The following FAM13B variants were observed in gnomAD, a reference collection of about 807,000 sequenced individuals.
FAM13B encodes the protein family with sequence similarity 13 member B, also known as protein FAM13B.
Under a neutral mutation model 117.3 loss-of-function variants are expected in FAM13B, and 60 were observed. That is an observed-to-expected ratio of 0.51 (90% CI 0.42 to 0.63). FAM13B has a LOEUF of 0.63. Among genes scored for constraint, FAM13B ranks in the 30% least tolerant of loss-of-function variants. The pLI is 0.00. For synonymous variants in FAM13B, 332 were observed against 356.1 expected (o/e 0.93, Z 0.76); for missense variants, 972 against 1,091.9 (o/e 0.89, Z 1.55).
intron 23 of FAM13B, 78 bp downstream of exon 23, chr5:137,941,866 G>A (rs114279768): frequency 0.013 from 14,920 of 1,188,726 alleles, 188 homozygotes; most frequent in Non-Finnish European, 0.014. Flanking sequence ...CTAATCCCAC[G>A]TATTCCATTA....
intron 23 of FAM13B, among the ~76,000 whole-genome samples, chr5:137,941,060 C>A (rs2150098189): frequency 6.6e-6 from 1 of 152,208 alleles, no homozygotes; most frequent in East Asian, 1.9e-4. Flanking sequence ...TGCCCGCCAC[C>A]ACGCCTGCCT....
chr5:138,001,680 T>C (rs1487100286), intron 7 of FAM13B, among the ~76,000 whole-genome samples: 2 of 152,162 alleles, frequency 1.3e-5, no homozygotes, highest in Non-Finnish European at 2.9e-5. Flanking sequence ...TGTTAGATGG[T>C]TATAACAGTT....
intron 7 of FAM13B, among the ~76,000 whole-genome samples, chr5:137,999,895 C>T (rs1780785086): frequency 6.6e-6 from 1 of 152,070 alleles, no homozygotes; most frequent in African/African-American, 2.4e-5. Context: ...CCCCCATGGC[C>T]TAATAACCTC....
chr5:137,948,475 C>T (rs1175803924), intron 18 of FAM13B, among the ~76,000 whole-genome samples: 1 of 152,102 alleles, frequency 6.6e-6, no homozygotes. Context: ...TCACTGCAGT[C>T]CTAATCTCCC....
intron 13 of FAM13B, among the ~76,000 whole-genome samples, chr5:137,958,518 G>C (rs545377486): frequency 1.3e-5 from 2 of 151,904 alleles, no homozygotes; most frequent in African/African-American, 4.8e-5. Context: ...GTGCCAAAAG[G>C]AGTCCGTGGC....
chr5:138,045,968 G>A (rs550008479), intron 1 of FAM13B, among the ~76,000 whole-genome samples: 20 of 150,572 alleles, frequency 1.3e-4, no homozygotes, highest in Non-Finnish European at 3.0e-4. Context: ...AAATTATAAA[G>A]AGTATGATGT....
At chr5:138,006,290 G>GA (rs1437465736) in intron 7 of FAM13B, among the ~76,000 whole-genome samples, 1 of 152,188 alleles carries the variant, frequency 6.6e-6, no homozygotes, top group Non-Finnish European at 1.5e-5. Flanking sequence ...CTCCTAAGTA[G>GA]AAAGGGTTAG....
At chr5:137,953,955 C>CA (rs1400155274) in intron 15 of FAM13B, among the ~76,000 whole-genome samples, 1 of 148,930 alleles carries the variant, frequency 6.7e-6, no homozygotes, top group South Asian at 2.1e-4. Context: ...TCAGCAGGGT[C>CA]AAAAAAAACC....
At chr5:138,024,010 G>A (rs1265264122) in intron 1 of FAM13B, among the ~76,000 whole-genome samples, 3 of 152,138 alleles carry the variant, frequency 2.0e-5, no homozygotes, top group East Asian at 1.9e-4. Flanking sequence ...TCAGACTGGA[G>A]AGTGGCCCAA....
At chr5:138,017,833 A>G (rs1353179635) in intron 4 of FAM13B, among the ~76,000 whole-genome samples, 3 of 152,204 alleles carry the variant, frequency 2.0e-5, no homozygotes, top group Non-Finnish European at 2.9e-5. Flanking sequence ...TAAGTGTTCA[A>G]GAACAAGTTT....
upstream of FAM13B, among the ~76,000 whole-genome samples, chr5:138,033,270 C>A (rs1305548882): frequency 2.6e-5 from 4 of 152,238 alleles, no homozygotes. Context: ...AGCCAGGCGC[C>A]ATCCCGGGGC....
intron 4 of FAM13B, 28 bp downstream of exon 4, chr5:138,018,274 C>A: frequency 1.9e-6 from 3 of 1,540,436 alleles, no homozygotes; most frequent in Non-Finnish European, 2.7e-6. Flanking sequence ...CAACAAATGA[C>A]CAATTGATAA....
chr5:138,004,376 T>A (rs947881483), intron 7 of FAM13B, among the ~76,000 whole-genome samples: 1 of 152,060 alleles, frequency 6.6e-6, no homozygotes, highest in Non-Finnish European at 1.5e-5. Context: ...CTATTAGTAA[T>A]ATGTATTTGA....
At chr5:137,989,890 TG>T (rs965658904) in intron 7 of FAM13B, among the ~76,000 whole-genome samples, 11 of 146,950 alleles carry the variant, frequency 7.5e-5, no homozygotes, top group Admixed American at 1.4e-4. Flanking sequence ...CCAAAAAAGC[TG>T]GGGGGAAAAA....
At chr5:137,972,121 C>G (rs2150404720) in intron 10 of FAM13B, among the ~76,000 whole-genome samples, 1 of 150,936 alleles carries the variant, frequency 6.6e-6, no homozygotes, top group East Asian at 1.9e-4. Context: ...ATGAGGCCAG[C>G]ATCATCCTGA....
rs2150986885 is a variant in FAM13B at position 138,021,170 on chromosome 5, G to C, written c.-175C>G. The stretch of plus-strand genomic sequence containing the variant: ...TGTAGTTCCTCATTGAAGAAATGCA[G>C]AACTCGATCAGTACTTCAGCAGTTA... On this transcript the variant is annotated 5_prime_UTR_variant, in exon 2 of 24. Coordinates refer to ENST00000689681, the MANE Select transcript of FAM13B (RefSeq NM_001385994.1). 1.6e-6 allele frequency: 2 copies of C among 1,231,646 alleles called. No homozygotes were observed. Among genetic ancestry groups the C allele is most frequent in the East Asian group, 6.3e-5 (2 of 31,692 alleles). 76.3% of individuals were successfully genotyped at this position (1,231,646 alleles called of 1,614,324 possible). A position where few individuals can be genotyped will look rare whatever the true frequency, so the allele number is the denominator to read the frequency against.
At chr5:137,967,335 C>A (rs895169884) in intron 10 of FAM13B, among the ~76,000 whole-genome samples, 7 of 151,814 alleles carry the variant, frequency 4.6e-5, no homozygotes, top group African/African-American at 1.7e-4. Context: ...ACCAGCCTGG[C>A]CAAGATGGTG....
intron 1 of FAM13B, among the ~76,000 whole-genome samples, chr5:138,044,631 T>A (rs1391661026): frequency 6.6e-6 from 1 of 150,980 alleles, no homozygotes; most frequent in Admixed American, 6.6e-5. Context: ...CACGGTACAG[T>A]AAGGATTGAT....
chr5:137,954,264 T>G lies in FAM13B; in HGVS notation c.1620A>C (p.Pro540=). ...NHHPLEEDCP[P]VLSHRSLDFG... ...AATCTAAACTGCGGTGTGATAATAC[T>G]GGAGGACAGTCCTCTTCCAAGGGGT... The change falls in exon 15 of 24, where the codon CCA becomes CCC. Residue 540 remains proline, a synonymous_variant. Transcript: ENST00000689681. 1 of 1,614,124 alleles carries G rather than the reference T, an allele frequency of 6.2e-7. No individual in the cohort carries two copies. The highest frequency in any genetic ancestry group is 1.6e-4 in the Middle Eastern group (1 of 6,062).
Sources: gnomAD v4.1 joint callset for allele counts (sites outside exome capture counted in the v4.1 genomes callset) on GRCh38, gnomAD v4.1.1 for gene constraint, MANE v1.5 for transcripts, NCBI Gene and HGNC (gene_info 2026-07-23, HGNC 2026-07-21) for gene names.